The following BAIAP2L1 variants were observed in gnomAD, a reference collection of about 807,000 sequenced individuals.
The protein encoded by BAIAP2L1 is BAR/IMD domain-containing adapter protein 2-like 1.
Under a neutral mutation model 66.3 loss-of-function variants are expected in BAIAP2L1, and 35 were observed. The observed-to-expected ratio is 0.53, with a 90% CI of 0.40 to 0.70. The LOEUF is 0.70. Ranked by LOEUF, BAIAP2L1 falls within the 30% of genes least tolerant of loss-of-function variation. BAIAP2L1 has a pLI of 0.00. For synonymous variants in BAIAP2L1, 269 were observed against 248.7 expected (o/e 1.08, Z -0.77); for missense variants, 622 against 656.9 (o/e 0.95, Z 0.58).
At chr7:98,336,186 A>G (rs952178187) in intron 3 of BAIAP2L1, among the ~76,000 whole-genome samples, 1 of 152,144 alleles carries the variant, frequency 6.6e-6, no homozygotes, top group Non-Finnish European at 1.5e-5. Flanking sequence ...AAAAGTAACT[A>G]TTGTGTGCTA....
At position 98,388,947 on chromosome 7, in the gene BAIAP2L1, C is replaced by A. The variant is rs539184615; in HGVS notation, c.51+11855G>T. Among the ~76,000 whole-genome samples the A allele has an allele frequency of 2.0e-5, 3 of 151,378 alleles. 1 individual carries two copies. The South Asian group carries it at 6.2e-4, about 32-fold the overall frequency. ...CATGATCACACCACTGCACTCCAGC[C>A]TGGACAACAGAGACCCTAAGAAATT... is the stretch of plus-strand genomic sequence containing the variant. On this transcript the variant is annotated intron_variant, in intron 1 of 13. Coordinates refer to ENST00000005260, the MANE Select transcript of BAIAP2L1 (RefSeq NM_018842.5).
intron 3 of BAIAP2L1, among the ~76,000 whole-genome samples, chr7:98,342,074 CAG>C (rs1801755366): frequency 8.9e-6 from 1 of 112,096 alleles, no homozygotes; most frequent in African/African-American, 3.4e-5. Context: ...TTTATAAAGA[CAG>C]AGTCTTGCTC....
Position 98,401,062 on chromosome 7 carries a change from A to C in BAIAP2L1, c.-210T>G. On this transcript the variant is annotated 5_prime_UTR_variant, in exon 1 of 14. Coordinates refer to ENST00000005260, the MANE Select transcript of BAIAP2L1 (RefSeq NM_018842.5). ...GCCGCCCTGGCCTTCTTCGAGGAGC[A>C]GAGGAGAAGCGGCCGGACGCCGCCA... The C allele has an allele frequency of 2.6e-6, 1 of 387,980 alleles. No individual in the cohort carries two copies. Among genetic ancestry groups the C allele is most frequent in the East Asian group, 4.4e-5 (1 of 22,738 alleles). 24.0% of individuals were successfully genotyped at this position (387,980 alleles called of 1,614,324 possible).
chr7:98,310,542 G>C lies in BAIAP2L1; in HGVS notation c.858C>G (p.Pro286=), dbSNP rs200900587. 5.0e-6 allele frequency: 8 copies of C among 1,594,818 alleles called. No homozygotes were observed. In the African/African-American group the frequency reaches 8.1e-5, roughly 16 times the overall value. ...TGGTATATGCTCTGCCTGAAGGAGC[G>C]GGGGGCATCTTTGGTGAGCATTTAG... The part of the protein sequence containing the change: ...TLSKCSPKMP[P]APSGRAYTSP... The change falls in exon 9 of 14, where the codon CCC becomes CCG. Residue 286 remains proline, a synonymous_variant. Coordinates refer to ENST00000005260, the MANE Select transcript of BAIAP2L1 (RefSeq NM_018842.5).
At chr7:98,333,765 C>T (rs1801552390) in intron 3 of BAIAP2L1, among the ~76,000 whole-genome samples, 2 of 59,912 alleles carry the variant, frequency 3.3e-5, no homozygotes, top group Non-Finnish European at 2.9e-5. Context: ...GGACAATTTT[C>T]CCCACGAACC....
intron 1 of BAIAP2L1, among the ~76,000 whole-genome samples, chr7:98,382,959 C>T (rs1470809292): frequency 6.6e-6 from 1 of 151,846 alleles, no homozygotes; most frequent in African/African-American, 2.4e-5. Flanking sequence ...GTCAGGAGTT[C>T]GAGACCAGCC....
At position 98,349,516 on chromosome 7, in the gene BAIAP2L1, G is replaced by A. The variant is rs145110721; in HGVS notation, c.214+5526C>T. 1.8e-3 allele frequency among the ~76,000 whole-genome samples: 278 copies of A among 152,140 alleles called. 1 individual carries two copies. The highest frequency in any genetic ancestry group is 3.4e-3 in the Non-Finnish European group (231 of 68,016). On this transcript the variant is annotated intron_variant, in intron 3 of 13. Coordinates refer to ENST00000005260, the MANE Select transcript of BAIAP2L1 (RefSeq NM_018842.5). ...CACCATTTCCAAGGGGACTGTGACCGCTAATCATGACACCTGCCAGCCATT... is the reference window on the plus strand; with the variant it reads ...CACCATTTCCAAGGGGACTGTGACCACTAATCATGACACCTGCCAGCCATT...
chr7:98,331,968 A>G (rs1335163521), intron 3 of BAIAP2L1, among the ~76,000 whole-genome samples: 1 of 152,188 alleles, frequency 6.6e-6, no homozygotes, highest in South Asian at 2.1e-4. Flanking sequence ...AGATAAAGAC[A>G]TTCTCAGACA....
intron 12 of BAIAP2L1, among the ~76,000 whole-genome samples, chr7:98,300,735 C>T (rs184298025): frequency 1.2e-4 from 19 of 152,218 alleles, no homozygotes; most frequent in Non-Finnish European, 2.4e-4. Flanking sequence ...GACAGGAGGG[C>T]ACCACAGGCT....
At chr7:98,293,988 G>T in intron 13 of BAIAP2L1, 86 bp downstream of exon 13, 2 of 1,459,626 alleles carry the variant, frequency 1.4e-6, no homozygotes, top group Non-Finnish European at 1.9e-6. Flanking sequence ...TGGACCCCCT[G>T]GGCTGGGCAC....
chr7:98,347,578 A>G (rs1480521640), intron 3 of BAIAP2L1, among the ~76,000 whole-genome samples: 1 of 152,048 alleles, frequency 6.6e-6, no homozygotes, highest in Non-Finnish European at 1.5e-5. Flanking sequence ...GATCGAGACC[A>G]TCCTGGCTAA....
intron 3 of BAIAP2L1, among the ~76,000 whole-genome samples, chr7:98,324,327 C>G (rs974302694): frequency 2.0e-5 from 3 of 152,234 alleles, no homozygotes; most frequent in Non-Finnish European, 4.4e-5. Context: ...ATAATTCACA[C>G]AGAGTGTTAG....
chr7:98,295,230 G>A (rs909414446), intron 12 of BAIAP2L1, among the ~76,000 whole-genome samples: 1 of 152,180 alleles, frequency 6.6e-6, no homozygotes, highest in African/African-American at 2.4e-5. Flanking sequence ...CTGCATGTTG[G>A]GTGTACAGGC....
intron 2 of BAIAP2L1, among the ~76,000 whole-genome samples, chr7:98,359,686 C>T (rs1802221123): frequency 6.6e-6 from 1 of 151,740 alleles, no homozygotes; most frequent in East Asian, 1.9e-4. Flanking sequence ...ACCCACACCA[C>T]TCAAATTCTT....
chr7:98,301,475 G>GTATAAA (rs1554409906), intron 12 of BAIAP2L1, among the ~76,000 whole-genome samples: 1 of 142,298 alleles, frequency 7.0e-6, no homozygotes, highest in Non-Finnish European at 1.5e-5. Flanking sequence ...TTTTTTTTTG[G>GTATAAA]TATATATATA....
intron 2 of BAIAP2L1, among the ~76,000 whole-genome samples, chr7:98,356,994 CAAAAAAA>C (rs1171832329): frequency 1.2e-3 from 3 of 2,424 alleles, no homozygotes; most frequent in Non-Finnish European, 2.1e-3. Flanking sequence ...GCCCCTGTCT[CAAAAAAA>C]AAAAAAAAAA....
intron 3 of BAIAP2L1, among the ~76,000 whole-genome samples, chr7:98,354,439 T>A (rs144051613): frequency 6.6e-6 from 1 of 152,310 alleles, no homozygotes; most frequent in Non-Finnish European, 1.5e-5. Flanking sequence ...ACAAGTTTTT[T>A]AAATGAGAGT....
intron 3 of BAIAP2L1, among the ~76,000 whole-genome samples, chr7:98,343,509 C>T (rs931991338): frequency 4.6e-5 from 7 of 152,074 alleles, no homozygotes; most frequent in African/African-American, 1.7e-4. Flanking sequence ...TGGCCAAACC[C>T]TGACTACTGA....
intron 1 of BAIAP2L1, among the ~76,000 whole-genome samples, chr7:98,391,982 T>C (rs148378990): frequency 8.8e-4 from 134 of 152,118 alleles, no homozygotes; most frequent in African/African-American, 3.2e-3. Context: ...CATGCTTAAA[T>C]ACTGAAAACA....
Sources: gnomAD v4.1 joint callset for allele counts (sites outside exome capture counted in the v4.1 genomes callset) on GRCh38, gnomAD v4.1.1 for gene constraint, MANE v1.5 for transcripts, NCBI Gene and HGNC (gene_info 2026-07-23, HGNC 2026-07-21) for gene names.